The following CSGALNACT1 variants were observed in gnomAD, a reference collection of about 807,000 sequenced individuals.
The protein encoded by CSGALNACT1 is chondroitin sulfate N-acetylgalactosaminyltransferase 1.
In CSGALNACT1, 52 loss-of-function variants were observed where a neutral mutation model predicts 51.0. That is an observed-to-expected ratio of 1.02 (90% CI 0.82 to 1.29). The LOEUF (loss-of-function observed/expected upper bound fraction) is 1.29, where lower values mean the gene tolerates loss of function less well. CSGALNACT1 is among the 50% of genes most tolerant of loss of function. CSGALNACT1 has a pLI of 0.00. For missense variants in CSGALNACT1, 935 were observed against 679.2 expected (o/e 1.38, Z -4.19); for synonymous variants, 341 against 254.4 (o/e 1.34, Z -3.24).
At chr8:19,469,861 ACT>A (rs937644337) in intron 4 of CSGALNACT1, among the ~76,000 whole-genome samples, 6 of 152,200 alleles carry the variant, frequency 3.9e-5, no homozygotes, top group African/African-American at 1.4e-4. Context: ...GGGAAGGTAC[ACT>A]CTGTGAAACC....
chr8:19,532,548 T>C (rs1426992074), intron 3 of CSGALNACT1, among the ~76,000 whole-genome samples: 2 of 152,186 alleles, frequency 1.3e-5, no homozygotes, highest in Non-Finnish European at 2.9e-5. Flanking sequence ...CATTATAGTT[T>C]TACTAAACCA....
intron 1 of CSGALNACT1, among the ~76,000 whole-genome samples, chr8:19,636,211 C>A (rs1469186405): frequency 6.6e-6 from 1 of 152,154 alleles, no homozygotes; most frequent in Non-Finnish European, 1.5e-5. Flanking sequence ...AGAGAGAGAT[C>A]AGTTTCACGT....
chr8:19,483,029 A>T (rs1286209026), intron 4 of CSGALNACT1, among the ~76,000 whole-genome samples: 1 of 152,114 alleles, frequency 6.6e-6, no homozygotes, highest in Non-Finnish European at 1.5e-5. Context: ...ATTCACATAG[A>T]TGTTTACTAT....
chr8:19,410,244 G>C (rs1447889349), intron 8 of CSGALNACT1, among the ~76,000 whole-genome samples: 1 of 152,182 alleles, frequency 6.6e-6, no homozygotes, highest in Non-Finnish European at 1.5e-5. Flanking sequence ...CTACTTCAGA[G>C]TACGGGACCG....
intron 6 of CSGALNACT1, among the ~76,000 whole-genome samples, chr8:19,422,723 C>A (rs549998129): frequency 2.6e-5 from 4 of 152,328 alleles, no homozygotes; most frequent in South Asian, 4.1e-4. Context: ...GAGGTCACTG[C>A]GAGCACCTTC....
At chr8:19,564,030 C>A (rs2041383872) in intron 3 of CSGALNACT1, among the ~76,000 whole-genome samples, 1 of 152,170 alleles carries the variant, frequency 6.6e-6, no homozygotes, top group South Asian at 2.1e-4. Flanking sequence ...CAGATTTCCA[C>A]CACTGAGCAC....
chr8:19,469,070 C>G lies in CSGALNACT1; in HGVS notation c.635-10428G>C, dbSNP rs141037575. On this transcript the variant is annotated intron_variant, in intron 4 of 9. Transcript: ENST00000454498. The stretch of plus-strand genomic sequence containing the variant: ...CTGCTCAACAGTGCCAACCACTGCA[C>G]CAAGGTTAACTAAGATAAGGATGAA... Among the ~76,000 whole-genome samples the G allele has an allele frequency of 2.6e-5, 4 of 152,214 alleles. No individual in the cohort carries two copies. The East Asian group carries it at 7.7e-4, about 29-fold the overall frequency.
At chr8:19,719,337 T>C (rs1168834181) in intron 1 of CSGALNACT1, among the ~76,000 whole-genome samples, 2 of 152,212 alleles carry the variant, frequency 1.3e-5, no homozygotes, top group African/African-American at 4.8e-5. Flanking sequence ...CTGTACTCCC[T>C]GTGATGCGAG....
At chr8:19,744,661 A>G (rs1448730992) in intron 1 of CSGALNACT1, among the ~76,000 whole-genome samples, 1 of 152,216 alleles carries the variant, frequency 6.6e-6, no homozygotes, top group Non-Finnish European at 1.5e-5. Context: ...ACTGAAAATT[A>G]TAATAAAAGA....
chr8:19,663,312 A>C (rs1469968294), intron 1 of CSGALNACT1, among the ~76,000 whole-genome samples: 3 of 152,174 alleles, frequency 2.0e-5, no homozygotes, highest in Admixed American at 6.5e-5. Flanking sequence ...ACGATGGTTG[A>C]AGGATACAAT....
At chr8:19,683,807 A>AT (rs367931238), upstream of CSGALNACT1, among the ~76,000 whole-genome samples, 3,426 of 148,862 alleles carry the variant, frequency 0.023, 53 homozygotes, top group South Asian at 0.049. Flanking sequence ...TCAAGAAAGT[A>AT]TTTTTTTTTT....
At chr8:19,557,609 T>A (rs947234675) in intron 3 of CSGALNACT1, among the ~76,000 whole-genome samples, 6 of 152,194 alleles carry the variant, frequency 3.9e-5, no homozygotes, top group African/African-American at 1.4e-4. Flanking sequence ...CCCCTAAGTA[T>A]CCACAAGGCC....
chr8:19,409,172 C>A (rs148910196), intron 8 of CSGALNACT1, among the ~76,000 whole-genome samples: 19 of 152,288 alleles, frequency 1.2e-4, no homozygotes, highest in African/African-American at 4.3e-4. Flanking sequence ...GCTGCCCTGG[C>A]ACGGTCCACT....
intron 1 of CSGALNACT1, among the ~76,000 whole-genome samples, chr8:19,720,062 C>T (rs1391664733): frequency 6.6e-6 from 1 of 152,152 alleles, no homozygotes; most frequent in Non-Finnish European, 1.5e-5. Context: ...GGTACAAGAG[C>T]CATTTTGCAA....
intron 8 of CSGALNACT1, 96 bp from the exon 8 acceptor site, chr8:19,408,790 C>T (rs1005575445): frequency 1.9e-6 from 2 of 1,034,786 alleles, no homozygotes; most frequent in African/African-American, 3.2e-5. Flanking sequence ...GTGTGGAGCC[C>T]ATCCCATCAC....
At chr8:19,564,033 C>A (rs762552601) in intron 3 of CSGALNACT1, among the ~76,000 whole-genome samples, 1 of 152,210 alleles carries the variant, frequency 6.6e-6, no homozygotes, top group African/African-American at 2.4e-5. Flanking sequence ...ATTTCCACCA[C>A]TGAGCACTGC....
chr8:19,679,801 A>C (rs1994791), intron 1 of CSGALNACT1, among the ~76,000 whole-genome samples: 54,162 of 152,006 alleles, frequency 0.36, 10,017 homozygotes, highest in African/African-American at 0.45. Flanking sequence ...AGAGGAAGCC[A>C]GAGTCCCGGC....
chr8:19,545,002 CA>C (rs2086133691), intron 3 of CSGALNACT1, among the ~76,000 whole-genome samples: 1 of 145,380 alleles, frequency 6.9e-6, no homozygotes, highest in South Asian at 2.2e-4. Context: ...TCCTTTCAGA[CA>C]TTTTTTTTTT....
At chr8:19,755,739 A>C (rs1445159852) in intron 1 of CSGALNACT1, among the ~76,000 whole-genome samples, 1 of 152,234 alleles carries the variant, frequency 6.6e-6, no homozygotes, top group Non-Finnish European at 1.5e-5. Context: ...GATGAATCCA[A>C]ATGTCGGAGA....
Sources: allele counts gnomAD v4.1 joint callset (sites outside exome capture counted in the v4.1 genomes callset), GRCh38; gene constraint gnomAD v4.1.1; transcripts MANE v1.5; gene names NCBI Gene and HGNC (gene_info 2026-07-23, HGNC 2026-07-21).